The following CERKL variants were observed in gnomAD, a reference collection of about 807,000 sequenced individuals.
CERKL encodes ceramide kinase-like protein.
Under a neutral mutation model 63.4 loss-of-function variants are expected in CERKL, and 61 were observed. The observed-to-expected ratio is 0.96, with a 90% CI of 0.78 to 1.19. The LOEUF (loss-of-function observed/expected upper bound fraction) is 1.19, where lower values mean the gene tolerates loss of function less well. Ranked by LOEUF, CERKL falls within the 50% of genes most tolerant of loss-of-function variation. The pLI is 0.00. For synonymous variants in CERKL, 250 were observed against 230.5 expected (o/e 1.08, Z -0.77); for missense variants, 675 against 655.5 (o/e 1.03, Z -0.33).
intron 2 of CERKL, among the ~76,000 whole-genome samples, chr2:181,589,096 C>CA (rs1348637892): frequency 3.9e-5 from 6 of 152,076 alleles, no homozygotes; most frequent in South Asian, 2.1e-4. Context: ...TGTAATCCAA[C>CA]GTACCTATTT....
At chr2:181,546,745 C>T (rs990338714) in intron 10 of CERKL, among the ~76,000 whole-genome samples, 6 of 151,554 alleles carry the variant, frequency 4.0e-5, no homozygotes, top group Non-Finnish European at 8.8e-5. Flanking sequence ...GTCTATATCC[C>T]ATGGATAAAA....
At chr2:181,565,151 C>T (rs1204229212) in intron 4 of CERKL, among the ~76,000 whole-genome samples, 1 of 152,292 alleles carries the variant, frequency 6.6e-6, no homozygotes, top group African/African-American at 2.4e-5. Flanking sequence ...CCCTCCCCAG[C>T]ACATTCAAAT....
chr2:181,549,168 G>T (rs1366832503), intron 6 of CERKL, among the ~76,000 whole-genome samples: 1 of 152,158 alleles, frequency 6.6e-6, no homozygotes, highest in African/African-American at 2.4e-5. Context: ...CAGTAGTTTA[G>T]TGTTACATAT....
At position 181,657,053 on chromosome 2, in the gene CERKL, T is replaced by C; in HGVS notation, c.-47A>G. On this transcript the variant is annotated 5_prime_UTR_variant, in exon 1 of 13. Transcript: ENST00000410087. ...CGAGCCAGGGGTCCGGGGAGGCCTT[T>C]GGAGAAGGAGGTGGAGGGCGCGGCA... The C allele has an allele frequency of 6.6e-7, 1 of 1,514,266 alleles. No individual in the cohort carries two copies. Among genetic ancestry groups the C allele is most frequent in the Non-Finnish European group, 8.9e-7 (1 of 1,117,422 alleles). The allele number at this position is 1,514,266 out of a possible 1,614,324, so 93.8% of individuals were successfully genotyped here. A position where few individuals can be genotyped will look rare whatever the true frequency, so the allele number is the denominator to read the frequency against.
chr2:181,615,835 C>G (rs1686168639), intron 1 of CERKL, among the ~76,000 whole-genome samples: 1 of 152,028 alleles, frequency 6.6e-6, no homozygotes, highest in African/African-American at 2.4e-5. Context: ...TACTGAAAAC[C>G]CATCACAATA....
At chr2:181,631,358 TAC>T (rs1686946337) in intron 1 of CERKL, among the ~76,000 whole-genome samples, 1 of 152,176 alleles carries the variant, frequency 6.6e-6, no homozygotes, top group African/African-American at 2.4e-5. Flanking sequence ...TCAGCATAGA[TAC>T]ACACCTGGAA....
At chr2:181,560,077 C>T (rs1250386863) in intron 4 of CERKL, among the ~76,000 whole-genome samples, 2 of 152,032 alleles carry the variant, frequency 1.3e-5, no homozygotes, top group Non-Finnish European at 2.9e-5. Context: ...CTATTAAATC[C>T]TCAGAAGTCT....
chr2:181,556,762 A>G (rs951435544), intron 5 of CERKL, among the ~76,000 whole-genome samples: 2 of 152,188 alleles, frequency 1.3e-5, no homozygotes, highest in African/African-American at 2.4e-5. Context: ...TATACCCAGT[A>G]ATGGGATGGC....
intron 1 of CERKL, among the ~76,000 whole-genome samples, chr2:181,634,542 T>C (rs1012094600): frequency 6.6e-6 from 1 of 152,116 alleles, no homozygotes; most frequent in African/African-American, 2.4e-5. Flanking sequence ...TTGAACATGA[T>C]AGACAGTACG....
At chr2:181,639,084 TA>T (rs1225523293) in intron 1 of CERKL, among the ~76,000 whole-genome samples, 1 of 152,194 alleles carries the variant, frequency 6.6e-6, no homozygotes, top group African/African-American at 2.4e-5. Context: ...ATTTAAAAAA[TA>T]GAGAAAATAT....
intron 2 of CERKL, among the ~76,000 whole-genome samples, chr2:181,588,191 C>T (rs1187787524): frequency 1.3e-5 from 2 of 152,046 alleles, no homozygotes; most frequent in African/African-American, 4.8e-5. Context: ...ATACAATAGA[C>T]CTCTTGAACT....
chr2:181,542,953 C>T (rs368621444), intron 11 of CERKL, among the ~76,000 whole-genome samples: 9 of 152,202 alleles, frequency 5.9e-5, no homozygotes, highest in African/African-American at 2.2e-4. Context: ...AGACTTGCCC[C>T]ATAGGCAATT....
At chr2:181,631,464 C>T (rs1478076288) in intron 1 of CERKL, among the ~76,000 whole-genome samples, 2 of 152,096 alleles carry the variant, frequency 1.3e-5, no homozygotes, top group African/African-American at 4.8e-5. Context: ...AAAAATGGCC[C>T]TTTAACCACT....
rs149457755 is a variant in CERKL, at chr2:181,537,701, G to C, written c.*483C>G. ...AGGTTAAATATTGATGTATTATGAT[G>C]GTTGCAAAGTTTTTTTGTGTGTCCA... On this transcript the variant is annotated 3_prime_UTR_variant, in exon 13 of 13. Transcript: ENST00000410087. The C allele has an allele frequency of 2.3e-6, 1 of 426,098 alleles. No homozygotes were observed. The highest frequency in any genetic ancestry group is 1.7e-5 in the South Asian group (1 of 59,448). The allele number at this position is 426,098 out of a possible 1,614,324, so 26.4% of individuals were successfully genotyped here.
chr2:181,619,446 C>T (rs1211771812), intron 1 of CERKL, among the ~76,000 whole-genome samples: 1 of 152,062 alleles, frequency 6.6e-6, no homozygotes, highest in Non-Finnish European at 1.5e-5. Flanking sequence ...TGGTAATTGG[C>T]CCTTTCTCCA....
At chr2:181,577,968 C>A (rs2105853538) in intron 2 of CERKL, among the ~76,000 whole-genome samples, 3 of 152,264 alleles carry the variant, frequency 2.0e-5, no homozygotes, top group Middle Eastern at 3.4e-3. Context: ...TCTGACATGG[C>A]TATACTTTTC....
chr2:181,651,088 C>A (rs907244918), intron 1 of CERKL, among the ~76,000 whole-genome samples: 20 of 152,184 alleles, frequency 1.3e-4, no homozygotes, highest in African/African-American at 3.4e-4. Flanking sequence ...CACTGCTGAA[C>A]TCAACCAAAC....
Position 181,537,460 on chromosome 2 carries a change from C to A in CERKL, c.*724G>T, listed in dbSNP as rs1687200726. 2 of 449,048 alleles carry A rather than the reference C, an allele frequency of 4.5e-6. No homozygotes were observed. The highest frequency in any genetic ancestry group is 4.7e-5 in the Admixed American group (2 of 42,312). 27.8% of individuals were successfully genotyped at this position (449,048 alleles called of 1,614,324 possible). ...TTGTATCATGAATTTTAAAACCCTA[C>A]CACTTTAAGAAGACAGGGATGGGTT... On this transcript the variant is annotated 3_prime_UTR_variant, in exon 13 of 13. Transcript: ENST00000410087.
intron 3 of CERKL, 65 bp from the exon 4 acceptor site, chr2:181,566,186 T>C: frequency 8.4e-7 from 1 of 1,185,062 alleles, no homozygotes; most frequent in Non-Finnish European, 1.3e-6. Flanking sequence ...ACTTTTTAAC[T>C]TGTTCTGGCA....
Sources: allele counts gnomAD v4.1 joint callset (sites outside exome capture counted in the v4.1 genomes callset), GRCh38; gene constraint gnomAD v4.1.1; transcripts MANE v1.5; gene names NCBI Gene and HGNC (gene_info 2026-07-23, HGNC 2026-07-21).